The following PLD5 variants were observed in gnomAD, a reference collection of about 807,000 sequenced individuals.
The protein encoded by PLD5 is phospholipase D family member 5.
A neutral mutation model predicts 61.1 loss-of-function variants in PLD5; 36 were observed. That is an observed-to-expected ratio of 0.59 (90% CI 0.45 to 0.78). The LOEUF is 0.78. Ranked by LOEUF, PLD5 falls within the 30% of genes least tolerant of loss-of-function variation. PLD5 has a pLI of 0.00. For synonymous variants in PLD5, 243 were observed against 242.8 expected (o/e 1.00, Z -0.01); for missense variants, 515 against 644.4 (o/e 0.80, Z 2.17).
At chr1:242,295,085 A>G (rs1355008723) in intron 2 of PLD5, among the ~76,000 whole-genome samples, 2 of 152,202 alleles carry the variant, frequency 1.3e-5, no homozygotes, top group Non-Finnish European at 2.9e-5. Flanking sequence ...AGTCAGGTTC[A>G]CACTCAAAGT....
intron 1 of PLD5, among the ~76,000 whole-genome samples, chr1:242,409,573 T>G (rs1664428462): frequency 6.6e-6 from 1 of 151,820 alleles, no homozygotes. Flanking sequence ...AGCGGAGAGT[T>G]TAATAGGCAA....
intron 1 of PLD5, among the ~76,000 whole-genome samples, chr1:242,416,067 G>A (rs1377539556): frequency 6.6e-6 from 1 of 151,906 alleles, no homozygotes; most frequent in African/African-American, 2.4e-5. Context: ...TAAACTTTCA[G>A]TAACTGTATT....
At chr1:242,384,248 T>G (rs1480391193) in intron 1 of PLD5, among the ~76,000 whole-genome samples, 1 of 152,192 alleles carries the variant, frequency 6.6e-6, no homozygotes, top group Non-Finnish European at 1.5e-5. Flanking sequence ...TACATTCTCT[T>G]CTGTACATAC....
chr1:242,331,850 T>C (rs181221012), intron 2 of PLD5, among the ~76,000 whole-genome samples: 1 of 152,326 alleles, frequency 6.6e-6, no homozygotes, highest in East Asian at 1.9e-4. Context: ...ATATTCTTAA[T>C]AGATTAAAAC....
At chr1:242,436,095 A>T (rs1020706002) in intron 1 of PLD5, among the ~76,000 whole-genome samples, 2 of 151,848 alleles carry the variant, frequency 1.3e-5, no homozygotes, top group Admixed American at 1.3e-4. Flanking sequence ...TGCAAATGAA[A>T]CCCCACCCCC....
At chr1:242,524,900 C>T (rs1341011250), upstream of PLD5, among the ~76,000 whole-genome samples, 2 of 151,998 alleles carry the variant, frequency 1.3e-5, no homozygotes, top group African/African-American at 4.8e-5. Context: ...CTCCCTGGCG[C>T]ATCTTTACTG....
chr1:242,256,641 C>G lies in PLD5; in HGVS notation c.607+8696G>C, dbSNP rs2149090564. Among the ~76,000 whole-genome samples the G allele has an allele frequency of 6.6e-6, 1 of 152,278 alleles. No individual in the cohort carries two copies. The highest frequency in any genetic ancestry group is 2.4e-5 in the African/African-American group (1 of 41,550). On this transcript the variant is annotated intron_variant, in intron 4 of 9. Transcript: ENST00000536534. This position sits in a 1 kb window ranked among gnomAD's most constrained non-coding sequence, Gnocchi z 5.7. ...CAGCAGACACTGAACCTGCTGGTGC[C>G]TTGATCTTAAACTTCCAGACCCCAG...
At chr1:242,475,966 C>T (rs1027469084) in intron 1 of PLD5, among the ~76,000 whole-genome samples, 14 of 152,238 alleles carry the variant, frequency 9.2e-5, no homozygotes, top group Admixed American at 2.0e-4. Flanking sequence ...CTTGGACTCC[C>T]AGCCTCCAGA....
intron 3 of PLD5, among the ~76,000 whole-genome samples, chr1:242,284,910 G>C (rs1337948299): frequency 6.6e-6 from 1 of 152,168 alleles, no homozygotes; most frequent in African/African-American, 2.4e-5. Flanking sequence ...CCCTTGTAAA[G>C]AGGCAAAGCA....
At chr1:242,468,676 TACACACACACACATACACACACACGC>T (rs1312088967) in intron 1 of PLD5, among the ~76,000 whole-genome samples, 1 of 151,160 alleles carries the variant, frequency 6.6e-6, no homozygotes, top group Non-Finnish European at 1.5e-5. Flanking sequence ...TGTAAATACA[TACACACACACACATACACACACACGC>T]ACACACACAC....
In PLD5 at chr1:242,262,689, T is replaced by C. The variant is rs368445393; in HGVS notation, c.607+2648A>G. Among the ~76,000 whole-genome samples the C allele has an allele frequency of 9.9e-5, 15 of 152,234 alleles. No individual in the cohort carries two copies. In the South Asian group the frequency reaches 2.1e-3, roughly 21 times the overall value. ...AGTCTATAGACCATGGCTCATTAGA[T>C]GTGGCGTACGAGAGCGTGGAGTTGA... is the stretch of plus-strand genomic sequence containing the variant. On this transcript the variant is annotated intron_variant, in intron 4 of 9. Transcript: ENST00000536534.
intron 5 of PLD5, among the ~76,000 whole-genome samples, chr1:242,200,454 G>C (rs1029650922): frequency 5.3e-5 from 8 of 152,168 alleles, no homozygotes; most frequent in African/African-American, 1.9e-4. Flanking sequence ...GAGACGTCTT[G>C]GATGTGCTAG....
At chr1:242,307,731 C>T (rs189680526) in intron 2 of PLD5, among the ~76,000 whole-genome samples, 20 of 152,142 alleles carry the variant, frequency 1.3e-4, no homozygotes, top group Admixed American at 7.9e-4. Flanking sequence ...TAAACATTTG[C>T]GAGTCAGGCT....
intron 5 of PLD5, among the ~76,000 whole-genome samples, chr1:242,138,441 A>T (rs1663911539): frequency 6.6e-6 from 1 of 150,794 alleles, no homozygotes; most frequent in Non-Finnish European, 1.5e-5. Flanking sequence ...ATTAGAAGGG[A>T]TTTTTTTTTT....
intron 9 of PLD5, among the ~76,000 whole-genome samples, chr1:242,092,207 G>A (rs2148648366): frequency 6.6e-6 from 1 of 152,048 alleles, no homozygotes; most frequent in East Asian, 1.9e-4. Context: ...GCTCATTGTA[G>A]CCTTGAACTC....
At chr1:242,492,948 G>T (rs115733353) in intron 1 of PLD5, among the ~76,000 whole-genome samples, 1 of 152,216 alleles carries the variant, frequency 6.6e-6, no homozygotes, top group East Asian at 1.9e-4. Context: ...CATCACATGG[G>T]AGGTAGGATT....
At chr1:242,239,317 G>T (rs1456224147) in intron 4 of PLD5, among the ~76,000 whole-genome samples, 1 of 152,110 alleles carries the variant, frequency 6.6e-6, no homozygotes, top group Admixed American at 6.5e-5. Flanking sequence ...TGGAATGAAT[G>T]ATTGGAAGCC....
chr1:242,220,178 C>T, intron 4 of PLD5, 63 bp from the exon 5 acceptor site: 1 of 1,575,706 alleles, frequency 6.3e-7, no homozygotes, highest in Non-Finnish European at 8.7e-7. Flanking sequence ...CTGTCAGTCA[C>T]CTACCAGTGG....
At chr1:242,470,169 G>A (rs1344760341) in intron 1 of PLD5, among the ~76,000 whole-genome samples, 1 of 151,790 alleles carries the variant, frequency 6.6e-6, no homozygotes, top group Non-Finnish European at 1.5e-5. Context: ...GTTAAACCCC[G>A]TCTCTACTAA....
Sources: gnomAD v4.1 joint callset for allele counts (sites outside exome capture counted in the v4.1 genomes callset) on GRCh38, gnomAD v4.1.1 for gene constraint, Gnocchi (gnomAD v3.1) non-coding constraint, MANE v1.5 for transcripts, NCBI Gene and HGNC (gene_info 2026-07-23, HGNC 2026-07-21) for gene names.